The following DNAH7 variants were observed in gnomAD, a reference collection of about 807,000 sequenced individuals.
DNAH7 encodes the protein axonemal beta dynein heavy chain 7.
Under a neutral mutation model 444.6 loss-of-function variants are expected in DNAH7, and 397 were observed. The observed-to-expected ratio is 0.89, with a 90% CI of 0.82 to 0.97. DNAH7 has a LOEUF of 0.97. DNAH7 is among the 50% of genes least tolerant of loss of function. The pLI is 0.00. For synonymous variants in DNAH7, 1,636 were observed against 1,624.4 expected (o/e 1.01, Z -0.17); for missense variants, 4,902 against 4,800.8 (o/e 1.02, Z -0.62).
At chr2:195,821,892 G>A (rs969998588) in intron 49 of DNAH7, among the ~76,000 whole-genome samples, 1 of 152,102 alleles carries the variant, frequency 6.6e-6, no homozygotes, top group Non-Finnish European at 1.5e-5. Context: ...GTAAGAAAAT[G>A]TCCTGCCTGT....
chr2:195,983,209 C>T (rs1341705098), intron 15 of DNAH7, among the ~76,000 whole-genome samples: 4 of 152,012 alleles, frequency 2.6e-5, no homozygotes, highest in African/African-American at 9.7e-5. Context: ...GAAAAGTAAA[C>T]AAAATGAAAT....
intron 48 of DNAH7, among the ~76,000 whole-genome samples, chr2:195,833,208 A>G (rs1698158765): frequency 6.6e-6 from 1 of 152,204 alleles, no homozygotes; most frequent in Non-Finnish European, 1.5e-5. Context: ...TGTAACTCCT[A>G]TATCACATTC....
In DNAH7 at chr2:196,053,526, C is replaced by A. The variant is rs76732805; in HGVS notation, c.79-2277G>T. Among the ~76,000 whole-genome samples, 946 of 152,270 alleles carry A rather than the reference C, an allele frequency of 6.2e-3. 10 individuals are homozygous for A. The highest frequency in any genetic ancestry group is 0.022 in the African/African-American group (912 of 41,550). On this transcript the variant is annotated intron_variant, in intron 2 of 64. Transcript: ENST00000312428. Reference sequence around the variant, plus strand: ...TGGTTCTGATGATACAAACAGGATACATGAGAAGCAGGGGACTAGAGTCAG... The same window carrying A: ...TGGTTCTGATGATACAAACAGGATAAATGAGAAGCAGGGGACTAGAGTCAG...
chr2:196,020,587 G>A (rs552464989), intron 8 of DNAH7, among the ~76,000 whole-genome samples: 1 of 150,956 alleles, frequency 6.6e-6, no homozygotes, highest in Admixed American at 6.6e-5. Context: ...TGTGTGTGTG[G>A]AATGGGGAAT....
In DNAH7 at chr2:195,853,538, A is replaced by G. The variant is rs771552053; in HGVS notation, c.8596-10T>C. On this transcript the variant is annotated splice_polypyrimidine_tract_variant and intron_variant, in intron 45 of 64. Coordinates refer to ENST00000312428, the MANE Select transcript of DNAH7 (RefSeq NM_018897.3). ...TGCTGCAAAGGTCAACCTCGAAAAT[A>G]AAAGTGAGCTTTTATCAACATTTAC... 7.5e-6 allele frequency: 12 copies of G among 1,602,386 alleles called. No homozygotes were observed. Among genetic ancestry groups the G allele is most frequent in the Non-Finnish European group, 1.0e-5 (12 of 1,173,464 alleles).
In DNAH7 at chr2:195,754,391, C is replaced by A. The variant is rs758471572; in HGVS notation, c.11710G>T (p.Gly3904Trp). Reference protein sequence around the residue: ...RKYTIPIDLLGFDYEVMEDKE... With the variant: ...RKYTIPIDLLWFDYEVMEDKE... ...TCTTCCATCACTTCATAGTCAAACC[C>A]AAGAAGATCAATAGGAATTGTGTAT... Residue 3904 changes from glycine to tryptophan, a missense_variant, in exon 63 of 65, where the codon GGG becomes TGG. By Grantham distance (184) the Gly-to-Trp change is radical. Coordinates refer to ENST00000312428, the MANE Select transcript of DNAH7 (RefSeq NM_018897.3). 6 of 1,613,970 alleles carry A rather than the reference C, an allele frequency of 3.7e-6. No homozygotes were observed. The Admixed American group carries it at 1.0e-4, about 27-fold the overall frequency.
chr2:195,923,721 G>T lies in DNAH7; in HGVS notation c.3699C>A (p.Arg1233=), dbSNP rs1170724742. Residue 1233 remains arginine, a synonymous_variant, in exon 23 of 65, where the codon CGC becomes CGA. Coordinates refer to ENST00000312428, the MANE Select transcript of DNAH7 (RefSeq NM_018897.3). ...GTACCACAAGTGCTCCCAGAGTTACGCGATTCTGCATGGACAATTTGCCAC... is the reference window on the plus strand; with the variant it reads ...GTACCACAAGTGCTCCCAGAGTTACTCGATTCTGCATGGACAATTTGCCAC... ...LVRGKLSMQN[R]VTLGALVVLD... 2 of 1,614,016 alleles carry T rather than the reference G, an allele frequency of 1.2e-6. No individual in the cohort carries two copies. Among genetic ancestry groups the T allele is most frequent in the East Asian group, 4.5e-5 (2 of 44,870 alleles).
At chr2:195,937,576 A>G (rs1689140663) in intron 19 of DNAH7, among the ~76,000 whole-genome samples, 1 of 152,250 alleles carries the variant, frequency 6.6e-6, no homozygotes, top group African/African-American at 2.4e-5. Context: ...TAAAAAAAGT[A>G]AATAGAGTTT....
chr2:196,022,889 T>C (rs1449325567), intron 8 of DNAH7, among the ~76,000 whole-genome samples: 1 of 152,238 alleles, frequency 6.6e-6, no homozygotes, highest in East Asian at 1.9e-4. Flanking sequence ...TGTTCTGTAA[T>C]TTCAACTTTT....
intron 59 of DNAH7, among the ~76,000 whole-genome samples, chr2:195,777,097 G>A (rs1695098671): frequency 6.6e-6 from 1 of 152,150 alleles, no homozygotes; most frequent in African/African-American, 2.4e-5. Flanking sequence ...GGTTAGGGTT[G>A]GGGGGTTACA....
intron 63 of DNAH7, among the ~76,000 whole-genome samples, chr2:195,749,308 C>T (rs536689582): frequency 4.2e-4 from 63 of 151,452 alleles, no homozygotes; most frequent in Non-Finnish European, 7.4e-5. Context: ...GTTAGAATGG[C>T]AATCATTAAA....
rs1414554693 is a variant in DNAH7 at position 195,886,591 on chromosome 2, CA to C, written c.5407-320del. On this transcript the variant is annotated intron_variant, in intron 33 of 64. Transcript: ENST00000312428. Reference sequence around the variant, plus strand: ...AACACTAAAAAAATTTCAGAGACGGCAGTTAATTTCTATATCTAAAATGCTT... The same window carrying C: ...AACACTAAAAAAATTTCAGAGACGGCGTTAATTTCTATATCTAAAATGCTT... 3.9e-5 allele frequency among the ~76,000 whole-genome samples: 6 copies of C among 152,206 alleles called. No homozygotes were observed. In the East Asian group the frequency reaches 1.2e-3, roughly 29 times the overall value.
chr2:195,966,940 T>G (rs1345620454), intron 17 of DNAH7, among the ~76,000 whole-genome samples: 1 of 152,138 alleles, frequency 6.6e-6, no homozygotes, highest in Non-Finnish European at 1.5e-5. Context: ...GAGAAGTTAG[T>G]CCATTTACAT....
At chr2:195,738,226 G>GT in intron 64 of DNAH7, 99 bp from the exon 65 acceptor site, 1 of 1,053,572 alleles carries the variant, frequency 9.5e-7, no homozygotes, top group South Asian at 1.5e-5. Flanking sequence ...GGTTATGCAT[G>GT]CAGATTTCTG....
intron 12 of DNAH7, 77 bp downstream of exon 12, chr2:196,000,627 G>A: frequency 8.3e-7 from 1 of 1,202,968 alleles, no homozygotes; most frequent in Admixed American, 2.7e-5. Context: ...GAGGATACCT[G>A]CCTTCAACTT....
intron 12 of DNAH7, among the ~76,000 whole-genome samples, chr2:195,998,372 G>A (rs933560819): frequency 6.6e-6 from 1 of 151,970 alleles, no homozygotes; most frequent in African/African-American, 2.4e-5. Flanking sequence ...CAGGAAGATC[G>A]AGACCATCTT....
At chr2:195,930,629 G>C (rs935712421) in intron 21 of DNAH7, among the ~76,000 whole-genome samples, 3 of 152,098 alleles carry the variant, frequency 2.0e-5, no homozygotes, top group African/African-American at 7.2e-5. Context: ...ATCTCTCAAA[G>C]AACTTAAAAC....
Position 195,861,888 on chromosome 2 carries a change from A to G in DNAH7, c.7565T>C (p.Met2522Thr). 1 of 1,614,006 alleles carries G rather than the reference A, an allele frequency of 6.2e-7. No individual in the cohort carries two copies. Among genetic ancestry groups the G allele is most frequent in the Non-Finnish European group, 8.5e-7 (1 of 1,179,898 alleles). The change falls in exon 42 of 65, where the codon ATG becomes ACG. Residue 2522 changes from methionine (M) to threonine (T), a missense_variant. Met to Thr is a moderately conservative substitution (Grantham distance 81). Transcript: ENST00000312428. Reference sequence around the variant, plus strand: ...ACAGCCATCTCGTATTTCCTCTGACATTTCAATTTCTTCCAAGAATCGTGA... The same window carrying G: ...ACAGCCATCTCGTATTTCCTCTGACGTTTCAATTTCTTCCAAGAATCGTGA... ...VASRFLEEIE[M>T]SEEIRDGCID...
chr2:195,761,762 TAA>T (rs1463926197), intron 61 of DNAH7, among the ~76,000 whole-genome samples: 1 of 151,954 alleles, frequency 6.6e-6, no homozygotes, highest in African/African-American at 2.4e-5. Context: ...AAAGGAGAAA[TAA>T]AGAGACTTTC....
Sources: allele counts gnomAD v4.1 joint callset (sites outside exome capture counted in the v4.1 genomes callset), GRCh38; gene constraint gnomAD v4.1.1; transcripts MANE v1.5; gene names NCBI Gene and HGNC (gene_info 2026-07-23, HGNC 2026-07-21).